DPYD: variants seen among roughly 807,000 people sequenced by gnomAD.
DPYD encodes dihydropyrimidine dehydrogenase [NADP(+)].
DPYD carries 109 observed loss-of-function variants against 116.2 expected under a neutral mutation model. The ratio of observed to expected loss-of-function variants is 0.94; its 90% CI spans 0.80 to 1.10. DPYD has a LOEUF of 1.10. DPYD is among the 50% of genes least tolerant of loss of function. The pLI is 0.00. For synonymous variants in DPYD, 440 were observed against 432.0 expected, an observed-to-expected ratio of 1.02 and a Z score of -0.23; for missense variants, 1,302 against 1,254.5, an observed-to-expected ratio of 1.04 and a Z score of -0.57.
chr1:97,246,901 A>G, intron 18 of DPYD, among the ~76,000 whole-genome samples: 1 of 152,304 alleles, frequency 6.6e-6, no homozygotes, highest in East Asian at 1.9e-4. Context: ...ATTAATAAAT[A>G]TTGCTATTTA....
chr1:97,176,215 G>C (rs12035560), intron 20 of DPYD, among the ~76,000 whole-genome samples: 5 of 152,126 alleles, frequency 3.3e-5, no homozygotes, highest in Non-Finnish European at 5.9e-5. Flanking sequence ...TGGGGGGAGA[G>C]TGGATAAGTG....
chr1:97,794,336 T>C (rs565551943), intron 3 of DPYD, among the ~76,000 whole-genome samples: 1 of 152,246 alleles, frequency 6.6e-6, no homozygotes, highest in Non-Finnish European at 1.5e-5. Context: ...TAATATTGTT[T>C]AAACTCTCAA....
At chr1:97,737,522 T>C (rs1415286025) in intron 4 of DPYD, among the ~76,000 whole-genome samples, 2 of 152,128 alleles carry the variant, frequency 1.3e-5, no homozygotes, top group East Asian at 1.9e-4. Flanking sequence ...GTAACTACAG[T>C]TACTGAGCAA....
In DPYD at chr1:97,105,290, G is replaced by T. The variant is rs896313788; in HGVS notation, c.2623-6658C>A. ...GAGGGGGAATAGAAAAGAGAGGAGAGGGTAAAAGGAAGTGTGAAAAGAGAG... is the reference window on the plus strand; with the variant it reads ...GAGGGGGAATAGAAAAGAGAGGAGATGGTAAAAGGAAGTGTGAAAAGAGAG... On this transcript the variant is annotated intron_variant, in intron 20 of 22. Transcript: ENST00000370192. Among the ~76,000 whole-genome samples, 5 of 151,992 alleles carry T rather than the reference G, an allele frequency of 3.3e-5. No individual in the cohort carries two copies. The East Asian group carries it at 9.7e-4, about 29-fold the overall frequency.
intron 3 of DPYD, among the ~76,000 whole-genome samples, chr1:97,777,483 TTA>T (rs1666475095): frequency 6.6e-6 from 1 of 152,206 alleles, no homozygotes. Flanking sequence ...AGAAGGGACC[TTA>T]CAGATGATCA....
At chr1:97,886,705 G>A (rs1672506813) in intron 1 of DPYD, among the ~76,000 whole-genome samples, 1 of 151,962 alleles carries the variant, frequency 6.6e-6, no homozygotes, top group Non-Finnish European at 1.5e-5. Flanking sequence ...ATTTGAACCT[G>A]TATGCAGGGA....
chr1:97,480,966 A>C (rs1208521584), intron 13 of DPYD, among the ~76,000 whole-genome samples: 1 of 152,172 alleles, frequency 6.6e-6, no homozygotes, highest in African/African-American at 2.4e-5. Context: ...GGGCGACAAG[A>C]GTAAAACTCC....
chr1:97,861,781 T>C (rs1253195048), intron 2 of DPYD, among the ~76,000 whole-genome samples: 1 of 151,938 alleles, frequency 6.6e-6, no homozygotes, highest in Non-Finnish European at 1.5e-5. Context: ...ACAATACTAA[T>C]TGTTGGAGAC....
intron 12 of DPYD, among the ~76,000 whole-genome samples, chr1:97,528,223 T>G (rs550247903): frequency 1.3e-5 from 2 of 152,164 alleles, no homozygotes; most frequent in Non-Finnish European, 2.9e-5. Flanking sequence ...GTGATTACAA[T>G]TATAATATAA....
chr1:97,397,644 T>C (rs188636071), intron 14 of DPYD, among the ~76,000 whole-genome samples: 3 of 152,210 alleles, frequency 2.0e-5, no homozygotes, highest in Admixed American at 2.0e-4. Flanking sequence ...TTATGGCTTC[T>C]TTCAGTTAGT....
chr1:97,374,179 T>A (rs915092904), intron 15 of DPYD, among the ~76,000 whole-genome samples: 12 of 152,212 alleles, frequency 7.9e-5, no homozygotes, highest in African/African-American at 2.9e-4. Context: ...GTAAAATGTT[T>A]TTAACAGAAA....
intron 20 of DPYD, among the ~76,000 whole-genome samples, chr1:97,127,601 T>C (rs563845008): frequency 9.1e-4 from 138 of 152,248 alleles, no homozygotes; most frequent in African/African-American, 3.2e-3. Context: ...ATCAACTCAT[T>C]TTCCCCCATC....
chr1:97,422,142 T>C (rs1674620402), intron 14 of DPYD, among the ~76,000 whole-genome samples: 2 of 152,192 alleles, frequency 1.3e-5, no homozygotes, highest in African/African-American at 4.8e-5. Flanking sequence ...ATCTTTTAGT[T>C]ATCAGCATTG....
intron 3 of DPYD, among the ~76,000 whole-genome samples, chr1:97,799,718 T>A (rs928928828): frequency 1.5e-5 from 2 of 131,270 alleles, no homozygotes; most frequent in African/African-American, 6.2e-5. Flanking sequence ...TTATCAAAAC[T>A]TTTTTTTGTC....
chr1:97,872,250 C>A (rs888818413), intron 2 of DPYD, among the ~76,000 whole-genome samples: 31 of 152,022 alleles, frequency 2.0e-4, no homozygotes, highest in Non-Finnish European at 4.4e-4. Flanking sequence ...ACATACCTTA[C>A]ACAGGGGAAA....
In DPYD at chr1:97,583,743, G is replaced by A. The variant is rs1230702768; in HGVS notation, c.1128+9475C>T. On this transcript the variant is annotated intron_variant, in intron 10 of 22. Transcript: ENST00000370192. ...TTCAGTCTACTTTTAATGTTAGATT[G>A]ACATAAAAATGTGACGCAATATTTT... 2.1e-5 allele frequency among the ~76,000 whole-genome samples: 3 copies of A among 145,746 alleles called. No homozygotes were observed. In the Admixed American group the frequency reaches 2.1e-4, roughly 10 times the overall value.
At chr1:97,790,093 G>A (rs1318449568) in intron 3 of DPYD, among the ~76,000 whole-genome samples, 1 of 152,064 alleles carries the variant, frequency 6.6e-6, no homozygotes, top group Non-Finnish European at 1.5e-5. Context: ...ACAGAAACCT[G>A]GGACCTACGT....
chr1:97,541,552 T>C (rs1650452778), intron 12 of DPYD, among the ~76,000 whole-genome samples: 1 of 152,228 alleles, frequency 6.6e-6, no homozygotes, highest in Admixed American at 6.5e-5. Context: ...TAAAAACATC[T>C]TGGCCCTGGA....
chr1:97,577,414 C>T (rs533857087), intron 10 of DPYD, among the ~76,000 whole-genome samples: 74 of 152,274 alleles, frequency 4.9e-4, no homozygotes, highest in African/African-American at 1.3e-3. Flanking sequence ...TGCTTGACGT[C>T]CTGGAACTTG....
Sources: gnomAD v4.1 joint callset for allele counts (sites outside exome capture counted in the v4.1 genomes callset) on GRCh38, gnomAD v4.1.1 for gene constraint, MANE v1.5 for transcripts, NCBI Gene and HGNC (gene_info 2026-07-23, HGNC 2026-07-21) for gene names.